The following ACOXL variants were observed in gnomAD, a reference collection of about 807,000 sequenced individuals.
The protein encoded by ACOXL is acyl-CoA oxidase like, also known as acyl-coenzyme A oxidase-like protein.
A neutral mutation model predicts 71.9 loss-of-function variants in ACOXL; 70 were observed. That is an observed-to-expected ratio of 0.97 (90% confidence interval 0.80 to 1.19). The LOEUF (loss-of-function observed/expected upper bound fraction) is 1.19, where lower values mean the gene tolerates loss of function less well. Ranked by LOEUF, ACOXL falls within the 50% of genes most tolerant of loss-of-function variation. ACOXL has a pLI of 0.00. For synonymous variants in ACOXL, 253 were observed against 281.6 expected (o/e 0.90, Z 1.02); for missense variants, 703 against 736.3 (o/e 0.95, Z 0.52).
At chr2:110,956,623 C>T (rs960636043) in intron 12 of ACOXL, among the ~76,000 whole-genome samples, 2 of 152,180 alleles carry the variant, frequency 1.3e-5, no homozygotes, top group African/African-American at 4.8e-5. Context: ...GTTAGTGCCA[C>T]CCGAAGACAC....
intron 14 of ACOXL, among the ~76,000 whole-genome samples, chr2:110,997,790 C>T (rs964412532): frequency 5.3e-5 from 8 of 152,182 alleles, no homozygotes; most frequent in African/African-American, 1.9e-4. Context: ...CGTGGTGGCT[C>T]ATGCCTGCAA....
chr2:110,951,874 T>C (rs1231131298), intron 12 of ACOXL, among the ~76,000 whole-genome samples: 1 of 152,220 alleles, frequency 6.6e-6, no homozygotes, highest in Non-Finnish European at 1.5e-5. Flanking sequence ...AGCTGCTGAT[T>C]TCATTTGGTA....
At chr2:110,951,337 G>A (rs2061327928) in intron 12 of ACOXL, among the ~76,000 whole-genome samples, 1 of 152,158 alleles carries the variant, frequency 6.6e-6, no homozygotes, top group Non-Finnish European at 1.5e-5. Flanking sequence ...TAATTCTAAC[G>A]ATCTGTTTGT....
intron 12 of ACOXL, among the ~76,000 whole-genome samples, chr2:110,944,761 G>T (rs949600884): frequency 6.6e-6 from 1 of 152,118 alleles, no homozygotes; most frequent in Admixed American, 6.5e-5. Context: ...GGGCATTTAG[G>T]TTGATTTTAT....
intron 16 of ACOXL, among the ~76,000 whole-genome samples, chr2:111,050,639 A>C (rs1211478711): frequency 6.6e-6 from 1 of 151,534 alleles, no homozygotes. Flanking sequence ...CCTACTGTCC[A>C]TCTCTCCCCA....
chr2:110,770,342 A>G (rs557349400), intron 2 of ACOXL, among the ~76,000 whole-genome samples: 5 of 152,154 alleles, frequency 3.3e-5, no homozygotes, highest in Admixed American at 6.5e-5. Context: ...CTTCCCCACA[A>G]TCCCACCAAC....
chr2:111,111,345 C>A (rs1331174941), intron 17 of ACOXL, among the ~76,000 whole-genome samples: 1 of 152,150 alleles, frequency 6.6e-6, no homozygotes, highest in African/African-American at 2.4e-5. Flanking sequence ...AGCAATCCAC[C>A]CACCTCGGCC....
At chr2:110,818,051 T>C (rs1688121915) in intron 9 of ACOXL, among the ~76,000 whole-genome samples, 1 of 151,580 alleles carries the variant, frequency 6.6e-6, no homozygotes, top group Non-Finnish European at 1.5e-5. Flanking sequence ...TGTTTGTCAA[T>C]GTTGCAAGAT....
At chr2:110,987,595 CCAGA>C (rs1324975221) in intron 13 of ACOXL, among the ~76,000 whole-genome samples, 4 of 152,252 alleles carry the variant, frequency 2.6e-5, no homozygotes, top group African/African-American at 4.8e-5. Context: ...AGATTTGAAC[CCAGA>C]CAGTCTGGCT....
At chr2:110,809,198 C>T (rs913874481) in intron 9 of ACOXL, among the ~76,000 whole-genome samples, 5 of 152,234 alleles carry the variant, frequency 3.3e-5, no homozygotes, top group Admixed American at 6.5e-5. Context: ...TCCTCTCTGT[C>T]GCAGACACTG....
chr2:111,044,419 C>A (rs543932073), intron 15 of ACOXL, among the ~76,000 whole-genome samples: 17 of 152,250 alleles, frequency 1.1e-4, no homozygotes, highest in Non-Finnish European at 4.4e-5. Flanking sequence ...GGGCAGTACC[C>A]ATAGCCCCAT....
In ACOXL at chr2:110,999,023, G is replaced by A. The variant is rs80140213; in HGVS notation, c.1281+3019G>A. ...AACAGCAAGATATTTTCAGATATCT[G>A]TCAAAAGGTTGTTATATTAGTTAGT... On this transcript the variant is annotated intron_variant, in intron 14 of 17. Transcript: ENST00000439055. Among the ~76,000 whole-genome samples the A allele has an allele frequency of 1.8e-3, 267 of 152,334 alleles. 2 individuals are homozygous for A. Among genetic ancestry groups the A allele is most frequent in the African/African-American group, 6.2e-3 (256 of 41,584 alleles).
intron 14 of ACOXL, among the ~76,000 whole-genome samples, chr2:111,016,223 A>T (rs973339923): frequency 6.6e-6 from 1 of 151,982 alleles, no homozygotes; most frequent in Admixed American, 6.6e-5. Flanking sequence ...GGTGTGAGCC[A>T]CTGTGCCTGA....
At chr2:110,735,891 G>C (rs1432154543) in intron 1 of ACOXL, among the ~76,000 whole-genome samples, 1 of 152,176 alleles carries the variant, frequency 6.6e-6, no homozygotes, top group Non-Finnish European at 1.5e-5. Flanking sequence ...TCTCAGGAGA[G>C]GCTGGCTGGC....
chr2:111,010,043 T>C (rs745389534), intron 14 of ACOXL, among the ~76,000 whole-genome samples: 3 of 152,208 alleles, frequency 2.0e-5, no homozygotes, highest in African/African-American at 7.2e-5. Flanking sequence ...AGTATCATTA[T>C]AGTGTCCACT....
chr2:110,799,631 G>A (rs1468607670), intron 7 of ACOXL, among the ~76,000 whole-genome samples: 1 of 152,206 alleles, frequency 6.6e-6, no homozygotes, highest in African/African-American at 2.4e-5. Context: ...TTCTAAGAGT[G>A]GTGATGAGAG....
intron 12 of ACOXL, among the ~76,000 whole-genome samples, chr2:110,965,809 C>G (rs1574311365): frequency 1.3e-5 from 2 of 152,258 alleles, no homozygotes; most frequent in East Asian, 3.9e-4. Flanking sequence ...GACTTTGGGA[C>G]TTGAACAATG....
chr2:110,813,956 A>T (rs115949602), intron 9 of ACOXL, among the ~76,000 whole-genome samples: 1,749 of 152,276 alleles, frequency 0.011, 31 homozygotes, highest in African/African-American at 0.04. Flanking sequence ...TCTGGGCCTT[A>T]CACTCTGGTA....
intron 15 of ACOXL, among the ~76,000 whole-genome samples, chr2:111,039,328 T>A (rs924040816): frequency 6.6e-6 from 1 of 152,252 alleles, no homozygotes; most frequent in Middle Eastern, 3.4e-3. Flanking sequence ...TTATGACTTA[T>A]GAGATTTTAT....
Sources: gnomAD v4.1 joint callset for allele counts (sites outside exome capture counted in the v4.1 genomes callset) on GRCh38, gnomAD v4.1.1 for gene constraint, MANE v1.5 for transcripts, NCBI Gene and HGNC (gene_info 2026-07-23, HGNC 2026-07-21) for gene names.